ADGRL2: variants seen among roughly 807,000 people sequenced by gnomAD.
ADGRL2 encodes calcium-independent alpha-latrotoxin receptor 2.
ADGRL2 carries 44 observed loss-of-function variants against 157.4 expected under a neutral mutation model. The ratio of observed to expected loss-of-function variants is 0.28; its 90% CI spans 0.22 to 0.36. The LOEUF (loss-of-function observed/expected upper bound fraction) is 0.36, where lower values mean the gene tolerates loss of function less well. Among genes scored for constraint, ADGRL2 ranks in the 10% least tolerant of loss-of-function variants. The pLI is 1.00. For synonymous variants in ADGRL2, 585 were observed against 624.7 expected (o/e 0.94, Z 0.95); for missense variants, 1,510 against 1,768.9 (o/e 0.85, Z 2.63).
At position 81,891,909 on chromosome 1, in the gene ADGRL2, T is replaced by C. The variant is rs556554619; in HGVS notation, c.74-15108T>C. 5.9e-5 allele frequency among the ~76,000 whole-genome samples: 9 copies of C among 152,132 alleles called. No homozygotes were observed. In the East Asian group the frequency reaches 1.7e-3, roughly 29 times the overall value. On this transcript the variant is annotated intron_variant, in intron 2 of 23. Transcript: ENST00000686636. ...TTAACGCATTTATGTTTGGAGGTCTTTTGTAACTAGAACTTAGTCCTTTGC... is the reference window on the plus strand; with the variant it reads ...TTAACGCATTTATGTTTGGAGGTCTCTTGTAACTAGAACTTAGTCCTTTGC...
chr1:81,748,800 TG>T (rs902250350), intron 1 of ADGRL2, among the ~76,000 whole-genome samples: 3 of 151,988 alleles, frequency 2.0e-5, no homozygotes, highest in African/African-American at 7.2e-5. Flanking sequence ...CCCAAGTAAC[TG>T]GGATTACAGG....
At chr1:81,636,169 C>T (rs569629194) in intron 3 of ADGRL2, among the ~76,000 whole-genome samples, 5 of 152,222 alleles carry the variant, frequency 3.3e-5, no homozygotes, top group Non-Finnish European at 7.4e-5. Context: ...CTCGGTGTTA[C>T]ATCAGAGAGT....
intron 1 of ADGRL2, among the ~76,000 whole-genome samples, chr1:81,419,243 AC>A (rs1296761424): frequency 6.6e-6 from 1 of 152,090 alleles, no homozygotes; most frequent in Non-Finnish European, 1.5e-5. Flanking sequence ...TTGCTCTGTC[AC>A]CCAGTCTGGA....
intron 2 of ADGRL2, among the ~76,000 whole-genome samples, chr1:81,462,220 T>G (rs571762550): frequency 1.3e-5 from 2 of 152,162 alleles, no homozygotes; most frequent in African/African-American, 4.8e-5. Context: ...CAGCACTCTG[T>G]AAAATGAACC....
At chr1:81,812,575 C>T (rs1194830047) in intron 1 of ADGRL2, among the ~76,000 whole-genome samples, 1 of 151,610 alleles carries the variant, frequency 6.6e-6, no homozygotes, top group Non-Finnish European at 1.5e-5. Flanking sequence ...AGAATGACTG[C>T]AGAACTGTCT....
At chr1:81,739,814 TC>T (rs1396002430) in intron 1 of ADGRL2, among the ~76,000 whole-genome samples, 3 of 152,204 alleles carry the variant, frequency 2.0e-5, no homozygotes, top group Non-Finnish European at 2.9e-5. Flanking sequence ...TCCAGGCTGT[TC>T]CAGGCATTAG....
chr1:81,616,305 AC>A (rs1471746384), intron 3 of ADGRL2, among the ~76,000 whole-genome samples: 2 of 152,220 alleles, frequency 1.3e-5, no homozygotes, highest in African/African-American at 4.8e-5. Context: ...ATCAACAGGT[AC>A]CACACGCAGG....
intron 2 of ADGRL2, among the ~76,000 whole-genome samples, chr1:81,794,335 C>T (rs1225821918): frequency 1.3e-5 from 2 of 152,098 alleles, no homozygotes; most frequent in African/African-American, 2.4e-5. Context: ...TAATAATCCT[C>T]GTTAGTTATA....
intron 1 of ADGRL2, among the ~76,000 whole-genome samples, chr1:81,379,534 G>A (rs909307540): frequency 6.6e-6 from 1 of 152,154 alleles, no homozygotes; most frequent in Non-Finnish European, 1.5e-5. Context: ...AGTAGAAGTA[G>A]CTTTCAGCAG....
intron 3 of ADGRL2, among the ~76,000 whole-genome samples, chr1:81,656,805 T>G: frequency 6.6e-6 from 1 of 150,446 alleles, no homozygotes; most frequent in African/African-American, 2.4e-5. Flanking sequence ...AGCCCAGGAG[T>G]TTGAAAACAG....
At chr1:81,330,718 A>G (rs762505864) in intron 1 of ADGRL2, among the ~76,000 whole-genome samples, 2 of 152,200 alleles carry the variant, frequency 1.3e-5, no homozygotes, top group Non-Finnish European at 2.9e-5. Flanking sequence ...CAACAGATGC[A>G]TCAGTCAACA....
chr1:81,743,238 A>T (rs1354302515), intron 1 of ADGRL2, among the ~76,000 whole-genome samples: 1 of 151,994 alleles, frequency 6.6e-6, no homozygotes, highest in African/African-American at 2.4e-5. Context: ...GAAGTAAAGA[A>T]TGTAGGGAAT....
intron 10 of ADGRL2, among the ~76,000 whole-genome samples, chr1:81,954,082 A>C (rs1652694282): frequency 6.6e-6 from 1 of 152,176 alleles, no homozygotes; most frequent in Admixed American, 6.5e-5. Context: ...AGGGGCAGAG[A>C]AATAACTGCT....
chr1:81,902,639 C>G (rs1415552999), intron 2 of ADGRL2, among the ~76,000 whole-genome samples: 1 of 138,846 alleles, frequency 7.2e-6, no homozygotes, highest in African/African-American at 2.7e-5. Flanking sequence ...TTCTGTCAGT[C>G]TTAAGGTCTC....
At chr1:81,391,398 G>A (rs1217425463) in intron 1 of ADGRL2, among the ~76,000 whole-genome samples, 1 of 152,298 alleles carries the variant, frequency 6.6e-6, no homozygotes, top group Non-Finnish European at 1.5e-5. Context: ...TAGAGCTGCT[G>A]CTCTCTCTAC....
chr1:81,503,087 C>T (rs2078891070), intron 2 of ADGRL2: 3 of 1,610,062 alleles, frequency 1.9e-6, no homozygotes, highest in Non-Finnish European at 2.5e-6. Context: ...GGGGAGCCTG[C>T]TGAGAAGAAG....
intron 3 of ADGRL2, among the ~76,000 whole-genome samples, chr1:81,928,282 T>C (rs2095154607): frequency 6.6e-6 from 1 of 152,138 alleles, no homozygotes; most frequent in Admixed American, 6.6e-5. Flanking sequence ...TTATTGGCAT[T>C]GATGATACAA....
chr1:81,503,386 A>T (rs4650561), intron 2 of ADGRL2: 217,361 of 1,613,366 alleles, frequency 0.13, 15,167 homozygotes, highest in Admixed American at 0.17. Context: ...CGCCAGCAGC[A>T]GCAGCAGCTC....
intron 2 of ADGRL2, among the ~76,000 whole-genome samples, chr1:81,778,473 G>C (rs2086686633): frequency 6.6e-6 from 1 of 152,046 alleles, no homozygotes; most frequent in Non-Finnish European, 1.5e-5. Flanking sequence ...TGACAGAAAA[G>C]AACATCTAAG....
Sources: gnomAD v4.1 joint callset for allele counts (sites outside exome capture counted in the v4.1 genomes callset) on GRCh38, gnomAD v4.1.1 for gene constraint, MANE v1.5 for transcripts, NCBI Gene and HGNC (gene_info 2026-07-23, HGNC 2026-07-21) for gene names.